PTPRD: variants seen among roughly 807,000 people sequenced by gnomAD.
The protein encoded by PTPRD is protein tyrosine phosphatase receptor type D.
A neutral mutation model predicts 214.5 loss-of-function variants in PTPRD; 34 were observed. That is an observed-to-expected ratio of 0.16 (90% CI 0.12 to 0.21). The LOEUF is 0.21. Among genes scored for constraint, PTPRD ranks in the 10% least tolerant of loss-of-function variants. The probability of loss-of-function intolerance (pLI) is 1.00; values close to 1 mark genes in which losing one functional copy is unlikely to be tolerated. For missense variants in PTPRD, 2,545 were observed against 2,398.7 expected (o/e 1.06, Z -1.27); for synonymous variants, 1,128 against 845.7 (o/e 1.33, Z -5.79).
chr9:8,544,112 A>G (rs1192542104), intron 14 of PTPRD, among the ~76,000 whole-genome samples: 1 of 148,732 alleles, frequency 6.7e-6, no homozygotes, highest in Non-Finnish European at 1.5e-5. Flanking sequence ...CTGGGAACCT[A>G]TTGGGTATAT....
At chr9:9,766,434 A>G (rs970867218) in intron 6 of PTPRD, among the ~76,000 whole-genome samples, 1 of 152,182 alleles carries the variant, frequency 6.6e-6, no homozygotes, top group Admixed American at 6.5e-5. Flanking sequence ...AGATACTTTT[A>G]GGTAGTTCTT....
intron 12 of PTPRD, among the ~76,000 whole-genome samples, chr9:8,647,998 T>G (rs1332709543): frequency 6.6e-6 from 1 of 152,336 alleles, no homozygotes; most frequent in Non-Finnish European, 1.5e-5. Context: ...TCAACATCTC[T>G]GATCTCACCT....
intron 7 of PTPRD, among the ~76,000 whole-genome samples, chr9:9,580,601 T>G (rs893602406): frequency 2.0e-5 from 3 of 147,642 alleles, no homozygotes; most frequent in African/African-American, 7.5e-5. Flanking sequence ...CAGACAGAAG[T>G]GCAGTGGTGT....
chr9:8,739,619 G>C (rs918232580), intron 11 of PTPRD, among the ~76,000 whole-genome samples: 3 of 152,166 alleles, frequency 2.0e-5, no homozygotes, highest in African/African-American at 7.2e-5. Flanking sequence ...AGAATTCTGA[G>C]TTCTCGTAGT....
intron 3 of PTPRD, among the ~76,000 whole-genome samples, chr9:10,116,308 T>C (rs1052227451): frequency 6.6e-6 from 1 of 152,062 alleles, no homozygotes; most frequent in Non-Finnish European, 1.5e-5. Context: ...AGTACAATAC[T>C]AATATAGACA....
At chr9:9,789,078 C>T (rs922010168) in intron 5 of PTPRD, among the ~76,000 whole-genome samples, 2 of 152,222 alleles carry the variant, frequency 1.3e-5, no homozygotes, top group Non-Finnish European at 2.9e-5. Flanking sequence ...GCTACATGGA[C>T]ATCTGGAGGG....
chr9:9,947,362 A>T (rs1419262027), intron 4 of PTPRD, among the ~76,000 whole-genome samples: 1 of 59,616 alleles, frequency 1.7e-5, no homozygotes, highest in Non-Finnish European at 2.8e-5. Flanking sequence ...TATTATATAT[A>T]TTATATATAT....
intron 3 of PTPRD, among the ~76,000 whole-genome samples, chr9:10,276,765 T>C (rs2094715449): frequency 6.6e-6 from 1 of 152,184 alleles, no homozygotes; most frequent in South Asian, 2.1e-4. Context: ...GTAGAGAAAG[T>C]AAAGTACTCT....
chr9:10,078,250 C>A (rs776526352), intron 3 of PTPRD, among the ~76,000 whole-genome samples: 1 of 151,210 alleles, frequency 6.6e-6, no homozygotes, highest in East Asian at 2.0e-4. Flanking sequence ...CAGTGGCTTA[C>A]GCATGTAATC....
At chr9:9,111,345 C>A (rs1372392899) in intron 10 of PTPRD, among the ~76,000 whole-genome samples, 1 of 150,826 alleles carries the variant, frequency 6.6e-6, no homozygotes, top group Non-Finnish European at 1.5e-5. Flanking sequence ...CAATGATCAC[C>A]TTATAAAATC....
At chr9:8,889,501 G>A (rs1161598310) in intron 11 of PTPRD, among the ~76,000 whole-genome samples, 1 of 152,076 alleles carries the variant, frequency 6.6e-6, no homozygotes, top group Non-Finnish European at 1.5e-5. Flanking sequence ...GGGAACAGGT[G>A]GTTTTTGGCT....
chr9:10,412,639 C>A (rs201929379), intron 2 of PTPRD, among the ~76,000 whole-genome samples: 40 of 14,794 alleles, frequency 2.7e-3, no homozygotes, highest in Non-Finnish European at 8.4e-3. Context: ...CACAAACACA[C>A]ACACACACAC....
intron 5 of PTPRD, among the ~76,000 whole-genome samples, chr9:9,887,499 T>C (rs1394347622): frequency 1.3e-5 from 2 of 152,084 alleles, no homozygotes; most frequent in African/African-American, 4.8e-5. Flanking sequence ...GGAAGGAGCA[T>C]GAAGCAGCTG....
At chr9:8,692,868 T>C (rs1565326414) in intron 12 of PTPRD, among the ~76,000 whole-genome samples, 1 of 152,144 alleles carries the variant, frequency 6.6e-6, no homozygotes, top group South Asian at 2.1e-4. Flanking sequence ...CACAAGACAA[T>C]AGAATAAACC....
chr9:9,933,876 A>C (rs1286810029), intron 5 of PTPRD, among the ~76,000 whole-genome samples: 2 of 148,858 alleles, frequency 1.3e-5, no homozygotes, highest in Non-Finnish European at 2.9e-5. Flanking sequence ...ATAACAAACT[A>C]TCTCTCAGAC....
At chr9:8,575,595 GA>G (rs2154243270) in intron 14 of PTPRD, among the ~76,000 whole-genome samples, 1 of 152,248 alleles carries the variant, frequency 6.6e-6, no homozygotes, top group East Asian at 1.9e-4. Context: ...CGTGGCTGCA[GA>G]AGAGATATAT....
chr9:8,844,565 G>C (rs1026605738), intron 11 of PTPRD, among the ~76,000 whole-genome samples: 6 of 152,080 alleles, frequency 3.9e-5, no homozygotes, highest in African/African-American at 1.2e-4. Flanking sequence ...ATTTCTCATA[G>C]AAACTAACCA....
At chr9:8,438,473 T>A (rs185256798) in intron 34 of PTPRD, among the ~76,000 whole-genome samples, 1 of 152,314 alleles carries the variant, frequency 6.6e-6, no homozygotes, top group Non-Finnish European at 1.5e-5. Context: ...CTGAAACTTT[T>A]CTGTATTAAT....
At chr9:9,144,148 G>C (rs928002294) in intron 10 of PTPRD, among the ~76,000 whole-genome samples, 9 of 152,140 alleles carry the variant, frequency 5.9e-5, no homozygotes, top group African/African-American at 1.9e-4. Context: ...TAAATAAAGT[G>C]AAGTATTGGG....
Sources: gnomAD v4.1 joint callset for allele counts (sites outside exome capture counted in the v4.1 genomes callset) on GRCh38, gnomAD v4.1.1 for gene constraint, MANE v1.5 for transcripts, NCBI Gene and HGNC (gene_info 2026-07-23, HGNC 2026-07-21) for gene names.